Variants in MTMR3 observed in about 807,000 individuals in gnomAD.
The protein encoded by MTMR3 is myotubularin related protein 3, also known as phosphatidylinositol-3,5-bisphosphate 3-phosphatase MTMR3.
Under a neutral mutation model 132.4 loss-of-function variants are expected in MTMR3, and 32 were observed. That is an observed-to-expected ratio of 0.24 (90% CI 0.18 to 0.32). The LOEUF (loss-of-function observed/expected upper bound fraction) is 0.32, where lower values mean the gene tolerates loss of function less well. Among genes scored for constraint, MTMR3 ranks in the 10% least tolerant of loss-of-function variants. The pLI is 1.00. For missense variants in MTMR3, 1,216 were observed against 1,489.6 expected (o/e 0.82, Z 3.02); for synonymous variants, 556 against 550.3 (o/e 1.01, Z -0.14).
intron 1 of MTMR3, among the ~76,000 whole-genome samples, chr22:29,933,967 A>G (rs1329077546): frequency 6.6e-6 from 1 of 152,148 alleles, no homozygotes; most frequent in Non-Finnish European, 1.5e-5. Context: ...TTATTTCCCT[A>G]TGATAGTACA....
At chr22:29,960,273 T>C (rs193198254) in intron 2 of MTMR3, among the ~76,000 whole-genome samples, 2 of 152,284 alleles carry the variant, frequency 1.3e-5, no homozygotes, top group Admixed American at 1.3e-4. Context: ...AAGGATATGA[T>C]TGGATTCATT....
intron 6 of MTMR3, chr22:29,990,794 G>A (rs568431983): frequency 5.3e-5 from 8 of 152,176 alleles, no homozygotes; most frequent in Non-Finnish European, 1.2e-4. Flanking sequence ...ATGTTGGCCA[G>A]GCTGGTCTTG....
intron 17 of MTMR3, chr22:30,021,653 G>C (rs971219486): frequency 4.9e-5 from 10 of 203,212 alleles, no homozygotes; most frequent in African/African-American, 2.3e-4. Flanking sequence ...TCTAAGAAAA[G>C]GAGGGCATCC....
intron 14 of MTMR3, chr22:30,015,524 C>T (rs1452184308): frequency 6.7e-6 from 1 of 148,274 alleles, no homozygotes; most frequent in Non-Finnish European, 1.5e-5. Flanking sequence ...TTCCCTCCCT[C>T]CCTCTTCCAC....
At chr22:29,953,900 C>T (rs965029958) in intron 1 of MTMR3, among the ~76,000 whole-genome samples, 1 of 152,044 alleles carries the variant, frequency 6.6e-6, no homozygotes, top group Admixed American at 6.6e-5. Context: ...CATTCTGCTA[C>T]CTCTACTAAT....
intron 1 of MTMR3, among the ~76,000 whole-genome samples, chr22:29,926,546 A>G (rs1014284499): frequency 4.6e-5 from 7 of 152,118 alleles, no homozygotes; most frequent in African/African-American, 1.7e-4. Context: ...TCTTGATTAC[A>G]TTTGTGATTA....
At chr22:29,969,591 C>T (rs1056639260) in intron 2 of MTMR3, among the ~76,000 whole-genome samples, 16 of 151,986 alleles carry the variant, frequency 1.1e-4, no homozygotes, top group African/African-American at 3.9e-4. Flanking sequence ...TGTGCAATGG[C>T]GTGATCTCGG....
At chr22:30,022,466 G>T (rs558530830) in intron 18 of MTMR3, 143 bp from the exon 19 acceptor site, 2 of 715,812 alleles carry the variant, frequency 2.8e-6, no homozygotes, top group African/African-American at 3.5e-5. Context: ...CGCCTTTCTT[G>T]TACTGTTGAC....
At position 30,017,917 on chromosome 22, in the gene MTMR3, C is replaced by T. The variant is rs746859822; in HGVS notation, c.1675-10C>T. The T allele has an allele frequency of 3.7e-6, 6 of 1,612,566 alleles. No individual in the cohort carries two copies. In the East Asian group the frequency reaches 1.3e-4, roughly 36 times the overall value. On this transcript the variant is annotated splice_polypyrimidine_tract_variant and intron_variant, in intron 15 of 19. Transcript: ENST00000401950. ...GGCATATTTAAACCTGTGTCCTCCC[C>T]CCTCCTCAGGTGCTGTACCCTGTGT... is the stretch of plus-strand genomic sequence containing the variant.
chr22:29,982,248 A>C (rs558031297), intron 5 of MTMR3: 1 of 141,398 alleles, frequency 7.1e-6, no homozygotes, highest in African/African-American at 2.6e-5. Flanking sequence ...AAAATTTCAG[A>C]TTGAGAGAGA....
At chr22:29,971,744 A>T (rs1047334004) in intron 3 of MTMR3, among the ~76,000 whole-genome samples, 1 of 152,054 alleles carries the variant, frequency 6.6e-6, no homozygotes, top group African/African-American at 2.4e-5. Context: ...CTTACGGGCC[A>T]TTTCGGGCCC....
At chr22:29,909,451 C>G (rs1049201163) in intron 1 of MTMR3, among the ~76,000 whole-genome samples, 3 of 152,126 alleles carry the variant, frequency 2.0e-5, no homozygotes, top group Non-Finnish European at 4.4e-5. Context: ...TTTAAACTTG[C>G]ATCTGTAAAT....
intron 1 of MTMR3, among the ~76,000 whole-genome samples, chr22:29,928,711 C>T (rs907663335): frequency 3.3e-5 from 5 of 152,018 alleles, no homozygotes; most frequent in East Asian, 1.9e-4. Flanking sequence ...GACGAAGTCT[C>T]GGCATGTTGC....
chr22:29,982,719 A>G (rs764426236), intron 5 of MTMR3: 3 of 152,210 alleles, frequency 2.0e-5, no homozygotes, highest in Non-Finnish European at 4.4e-5. Context: ...GATACCGTAA[A>G]CATCATTACT....
At chr22:29,927,673 A>C (rs1455346063) in intron 1 of MTMR3, among the ~76,000 whole-genome samples, 1 of 152,174 alleles carries the variant, frequency 6.6e-6, no homozygotes, top group East Asian at 1.9e-4. Context: ...AGCAGTGTGC[A>C]TGCAATAAGG....
At chr22:29,971,163 G>A (rs1300134176) in intron 3 of MTMR3, 101 bp downstream of exon 3, 2 of 1,236,974 alleles carry the variant, frequency 1.6e-6, no homozygotes, top group Non-Finnish European at 2.2e-6. Context: ...TTTTGTTTTT[G>A]TAAGAAATTA....
intron 1 of MTMR3, among the ~76,000 whole-genome samples, chr22:29,938,274 T>C (rs913403357): frequency 6.6e-6 from 1 of 152,216 alleles, no homozygotes. Context: ...CCCATAAAGA[T>C]GGAAGTACCA....
chr22:29,973,850 C>T (rs1022276043), intron 3 of MTMR3, among the ~76,000 whole-genome samples: 3 of 152,126 alleles, frequency 2.0e-5, no homozygotes, highest in African/African-American at 7.2e-5. Context: ...CCATCTGCCT[C>T]AGCCTCCCAA....
At chr22:29,974,688 T>C (rs969070358) in intron 3 of MTMR3, among the ~76,000 whole-genome samples, 1 of 152,206 alleles carries the variant, frequency 6.6e-6, no homozygotes, top group African/African-American at 2.4e-5. Context: ...CCTGCTACAT[T>C]ACTTCAGTTC....
Sources: gnomAD v4.1 joint callset for allele counts (sites outside exome capture counted in the v4.1 genomes callset) on GRCh38, gnomAD v4.1.1 for gene constraint, MANE v1.5 for transcripts, NCBI Gene and HGNC (gene_info 2026-07-23, HGNC 2026-07-21) for gene names.